ABCC8: variants seen among roughly 807,000 people sequenced by gnomAD.
ABCC8 encodes the protein ATP binding cassette subfamily C member 8, also known as ATP-binding cassette sub-family C member 8.
A neutral mutation model predicts 188.0 loss-of-function variants in ABCC8; 137 were observed. The ratio of observed to expected loss-of-function variants is 0.73; its 90% CI spans 0.63 to 0.84. The LOEUF is 0.84. Among genes scored for constraint, ABCC8 ranks in the 40% least tolerant of loss-of-function variants. The probability of loss-of-function intolerance (pLI) is 0.00; values close to 1 mark genes in which losing one functional copy is unlikely to be tolerated. For synonymous variants in ABCC8, 797 were observed against 846.5 expected (o/e 0.94, Z 1.01); for missense variants, 1,750 against 2,072.7 (o/e 0.84, Z 3.02).
At chr11:17,397,450 C>A (rs1953998409) in intron 31 of ABCC8, 137 bp from the exon 32 acceptor site, 2 of 1,522,288 alleles carry the variant, frequency 1.3e-6, no homozygotes, top group Non-Finnish European at 1.8e-6. Flanking sequence ...CTGCTCAGAG[C>A]AGCCCTCCCT....
chr11:17,400,349 G>T (rs899267046), intron 29 of ABCC8, among the ~76,000 whole-genome samples: 1 of 152,184 alleles, frequency 6.6e-6, no homozygotes, highest in Admixed American at 6.5e-5. Flanking sequence ...TGTTATAGGA[G>T]TGTGAGGCGC....
At chr11:17,428,198 G>T in intron 14 of ABCC8, 91 bp downstream of exon 14, 1 of 1,592,482 alleles carries the variant, frequency 6.3e-7, no homozygotes, top group Non-Finnish European at 8.6e-7. Flanking sequence ...CCTCTGCAGA[G>T]GACTAAGCAT....
chr11:17,449,399 A>G (rs1317658090), intron 7 of ABCC8, among the ~76,000 whole-genome samples: 1 of 152,202 alleles, frequency 6.6e-6, no homozygotes, highest in Admixed American at 6.5e-5. Context: ...AAGTCCTGTC[A>G]TAATTGAGCC....
rs531684936 is a variant in ABCC8, at chr11:17,410,575, C to T, written c.2635G>A (p.Asp879Asn). ...QAGILELLRDDKRTVVLVTHK... is the reference protein window; with the variant it reads ...QAGILELLRDNKRTVVLVTHK... ...GTCACTAAGACCACTGTCCTCTTGTCGTCCCGGAGCAGCTCAAGGATGCCG... is the reference window on the plus strand; with the variant it reads ...GTCACTAAGACCACTGTCCTCTTGTTGTCCCGGAGCAGCTCAAGGATGCCG... The change falls in exon 22 of 39, where the codon GAC (aspartate) becomes AAC (asparagine). Residue 879 changes from aspartate to asparagine, a missense_variant. Coordinates refer to ENST00000389817, the MANE Select transcript of ABCC8 (RefSeq NM_000352.6). 36 of 1,614,120 alleles carry T rather than the reference C, an allele frequency of 2.2e-5. 1 individual carries two copies. Among genetic ancestry groups the T allele is most frequent in the African/African-American group, 1.9e-4 (14 of 75,030 alleles).
intron 3 of ABCC8, among the ~76,000 whole-genome samples, chr11:17,466,691 G>T (rs1261066433): frequency 1.3e-5 from 2 of 152,048 alleles, no homozygotes; most frequent in Non-Finnish European, 2.9e-5. Flanking sequence ...ATCTTGGCTG[G>T]AGTGCAGTGG....
chr11:17,450,715 G>T (rs1160552428), intron 7 of ABCC8, among the ~76,000 whole-genome samples: 3 of 70,540 alleles, frequency 4.3e-5, no homozygotes, highest in Admixed American at 2.2e-4. Flanking sequence ...TTGAGATGAA[G>T]TCTCACTCTG....
chr11:17,410,677 AGTAGAGG>A, intron 21 of ABCC8, 24 bp from the exon 22 acceptor site: 2 of 1,613,762 alleles, frequency 1.2e-6, no homozygotes, highest in Non-Finnish European at 1.7e-6. Flanking sequence ...AGAGGAAGAG[AGTAGAGG>A]GTAGGGAAAG....
At chr11:17,407,669 T>A (rs1954609806) in intron 23 of ABCC8, among the ~76,000 whole-genome samples, 1 of 152,184 alleles carries the variant, frequency 6.6e-6, no homozygotes, top group Non-Finnish European at 1.5e-5. Flanking sequence ...GGGGAACCAC[T>A]CTTCCCCTGT....
intron 7 of ABCC8, among the ~76,000 whole-genome samples, chr11:17,450,260 CTCTTTCTTTCTT>C (rs58452277): frequency 0.047 from 3,187 of 67,382 alleles, 55 homozygotes; most frequent in Non-Finnish European, 0.062. Context: ...TTCTTTCTTT[CTCTTTCTTTCTT>C]TCTTTCTTTC....
intron 10 of ABCC8, among the ~76,000 whole-genome samples, chr11:17,436,760 T>G (rs181087269): frequency 2.6e-4 from 39 of 152,140 alleles, no homozygotes; most frequent in Non-Finnish European, 4.9e-4. Flanking sequence ...ATGGGTATTT[T>G]TTAGAATATC....
At chr11:17,462,210 A>G (rs1957220137) in intron 4 of ABCC8, among the ~76,000 whole-genome samples, 1 of 152,156 alleles carries the variant, frequency 6.6e-6, no homozygotes, top group Non-Finnish European at 1.5e-5. Context: ...TGCCTCCTCC[A>G]CTTACTAGCA....
intron 3 of ABCC8, among the ~76,000 whole-genome samples, chr11:17,466,294 G>A (rs1416147906): frequency 1.3e-5 from 2 of 151,350 alleles, no homozygotes; most frequent in Non-Finnish European, 2.9e-5. Flanking sequence ...AGTTACTCAG[G>A]AGGCTGAGGC....
intron 35 of ABCC8, 46 bp from the exon 36 acceptor site, chr11:17,395,321 G>A (rs961820480): frequency 6.4e-7 from 1 of 1,553,222 alleles, no homozygotes; most frequent in Non-Finnish European, 8.7e-7. Flanking sequence ...GCAGGGTCCT[G>A]CCTGCATCCC....
rs372230762 is a variant in ABCC8, at chr11:17,428,372, G to A, written c.1957C>T (p.Arg653Trp). 48 of 1,613,946 alleles carry A rather than the reference G, an allele frequency of 3.0e-5. No homozygotes were observed. The highest frequency in any genetic ancestry group is 3.5e-5 in the Non-Finnish European group (41 of 1,179,980). ...CCGGTGAGGCCCCGACAATCCTCCC[G>A]GGCTGGACGCTTGCGGTTCACAACC... ...LRVVNRKRPAREDCRGLTGPL... is the reference protein window; with the variant it reads ...LRVVNRKRPAWEDCRGLTGPL... Residue 653 changes from arginine to tryptophan, a missense_variant, in exon 14 of 39, where the codon CGG becomes TGG. By Grantham distance (101) the Arg-to-Trp change is moderately radical (BLOSUM62 -3). Transcript: ENST00000389817.
chr11:17,393,163 G>T, intron 38 of ABCC8, 35 bp from the exon 39 acceptor site: 2 of 1,612,028 alleles, frequency 1.2e-6, no homozygotes, highest in South Asian at 1.1e-5. Flanking sequence ...TCAGGATGGT[G>T]GGAATACCAC....
chr11:17,404,378 T>C lies in ABCC8; in HGVS notation c.3557+134A>G, dbSNP rs1298397603. 6.2e-5 allele frequency: 59 copies of C among 951,220 alleles called. No individual in the cohort carries two copies. Among genetic ancestry groups the C allele is most frequent in the East Asian group, 5.8e-4 (24 of 41,258 alleles). The allele number at this position is 951,220 out of a possible 1,614,324, so 58.9% of individuals were successfully genotyped here. The stretch of plus-strand genomic sequence containing the variant: ...GGAATAAGATGTGGATATTTCTATT[T>C]CCTTCATTTCTGTTTTTTGTTTTTA... On this transcript the variant is annotated intron_variant, in intron 28 of 38. Transcript: ENST00000389817. The surrounding 1 kb of genome is among the most constrained non-coding windows in gnomAD (Gnocchi z 4.7).
Position 17,417,162 on chromosome 11 carries a change from C to G in ABCC8, c.2223-200G>C, listed in dbSNP as rs562046212. 12 of 744,808 alleles carry G rather than the reference C, an allele frequency of 1.6e-5. No individual in the cohort carries two copies. In the African/African-American group the frequency reaches 2.3e-4, roughly 14 times the overall value. 46.1% of individuals were successfully genotyped at this position (744,808 alleles called of 1,614,324 possible). ...CCCACAGCACCTGGATGGGTACCCTCCAAATAGCATGTGCTAAATCAGCGT... is the reference window on the plus strand; with the variant it reads ...CCCACAGCACCTGGATGGGTACCCTGCAAATAGCATGTGCTAAATCAGCGT... On this transcript the variant is annotated intron_variant, in intron 16 of 38. Coordinates refer to ENST00000389817, the MANE Select transcript of ABCC8 (RefSeq NM_000352.6).
intron 10 of ABCC8, among the ~76,000 whole-genome samples, chr11:17,436,959 C>G (rs1029945750): frequency 1.3e-5 from 2 of 151,836 alleles, no homozygotes; most frequent in Non-Finnish European, 2.9e-5. Context: ...GGCGTGGTGG[C>G]GCATACCTGT....
At chr11:17,438,468 C>T (rs533219287) in intron 10 of ABCC8, among the ~76,000 whole-genome samples, 6 of 152,266 alleles carry the variant, frequency 3.9e-5, no homozygotes, top group South Asian at 2.1e-4. Context: ...CCAGAACCTC[C>T]GTAGAGCCTG....
Sources: gnomAD v4.1 joint callset for allele counts (sites outside exome capture counted in the v4.1 genomes callset) on GRCh38, gnomAD v4.1.1 for gene constraint, Gnocchi (gnomAD v3.1) non-coding constraint, MANE v1.5 for transcripts, NCBI Gene and HGNC (gene_info 2026-07-23, HGNC 2026-07-21) for gene names.